The following KIAA0040 variants were observed in gnomAD, a reference collection of about 807,000 sequenced individuals.
The protein encoded by KIAA0040 is uncharacterized protein KIAA0040.
KIAA0040 carries 10 observed loss-of-function variants against 7.2 expected under a neutral mutation model. The observed-to-expected ratio is 1.38, with a 90% CI of 0.85 to 2.34. The LOEUF (loss-of-function observed/expected upper bound fraction) is 2.34, where lower values mean the gene tolerates loss of function less well. Among genes scored for constraint, KIAA0040 ranks in the 30% most tolerant of loss-of-function variants. KIAA0040 has a pLI of 0.00. For missense variants in KIAA0040, 89 were observed against 108.2 expected (o/e 0.82, Z 0.79); for synonymous variants, 49 against 40.1 (o/e 1.22, Z -0.84).
intron 2 of KIAA0040, among the ~76,000 whole-genome samples, chr1:175,176,847 C>T (rs1266664401): frequency 6.6e-6 from 1 of 152,028 alleles, no homozygotes; most frequent in African/African-American, 2.4e-5. Flanking sequence ...ACATTTTCCT[C>T]CCCATCCTTG....
intron 2 of KIAA0040, among the ~76,000 whole-genome samples, chr1:175,167,793 G>C (rs1385564157): frequency 6.6e-6 from 1 of 152,098 alleles, no homozygotes. Flanking sequence ...TCAGGCAGAG[G>C]GACATGAGAG....
intron 2 of KIAA0040, among the ~76,000 whole-genome samples, chr1:175,174,343 A>G (rs1232915072): frequency 6.6e-6 from 1 of 152,182 alleles, no homozygotes; most frequent in Non-Finnish European, 1.5e-5. Flanking sequence ...GCATATCAAA[A>G]TGCCCCTGGG....
chr1:175,187,452 C>A (rs1026985894), intron 1 of KIAA0040, among the ~76,000 whole-genome samples: 1 of 152,146 alleles, frequency 6.6e-6, no homozygotes, highest in Admixed American at 6.5e-5. Flanking sequence ...TGCAGAGGGG[C>A]TTTTGAAAGC....
At chr1:175,175,434 T>TA (rs1432109227) in intron 2 of KIAA0040, among the ~76,000 whole-genome samples, 1 of 151,466 alleles carries the variant, frequency 6.6e-6, no homozygotes, top group Non-Finnish European at 1.5e-5. Context: ...GGTGGGACTG[T>TA]AAACTAGTTC....
chr1:175,167,861 C>T (rs1274319382), intron 2 of KIAA0040, among the ~76,000 whole-genome samples: 1 of 151,904 alleles, frequency 6.6e-6, no homozygotes, highest in East Asian at 1.9e-4. Flanking sequence ...CCTATGAGGG[C>T]TCTCAGTCTG....
intron 1 of KIAA0040, among the ~76,000 whole-genome samples, chr1:175,181,921 C>T (rs1372560887): frequency 6.6e-6 from 1 of 152,218 alleles, no homozygotes; most frequent in East Asian, 1.9e-4. Flanking sequence ...GGCCTCCAAC[C>T]TCCCGATGTT....
At chr1:175,176,645 T>G (rs1309493176) in intron 2 of KIAA0040, among the ~76,000 whole-genome samples, 1 of 137,622 alleles carries the variant, frequency 7.3e-6, no homozygotes, top group African/African-American at 2.6e-5. Context: ...TGAGTACACA[T>G]CCAGTGTCAG....
At chr1:175,171,843 C>T (rs1677005710) in intron 2 of KIAA0040, among the ~76,000 whole-genome samples, 1 of 152,184 alleles carries the variant, frequency 6.6e-6, no homozygotes, top group Non-Finnish European at 1.5e-5. Flanking sequence ...TAAAAAGCTC[C>T]ATTTCACTGT....
chr1:175,188,952 G>T (rs1411872286), intron 1 of KIAA0040, among the ~76,000 whole-genome samples: 2 of 152,166 alleles, frequency 1.3e-5, no homozygotes, highest in Non-Finnish European at 2.9e-5. Flanking sequence ...ATAGTATTGG[G>T]TATTCCTGGG....
At chr1:175,191,576 C>T (rs1484080339) in intron 1 of KIAA0040, among the ~76,000 whole-genome samples, 2 of 152,204 alleles carry the variant, frequency 1.3e-5, no homozygotes, top group Admixed American at 6.5e-5. Flanking sequence ...GCTGGTAAGA[C>T]GCTTGCAGAA....
At chr1:175,175,582 T>C (rs1197502038) in intron 2 of KIAA0040, among the ~76,000 whole-genome samples, 3 of 152,054 alleles carry the variant, frequency 2.0e-5, no homozygotes, top group African/African-American at 4.8e-5. Context: ...CACATGTATG[T>C]TCATTGTGGC....
intron 3 of KIAA0040, among the ~76,000 whole-genome samples, chr1:175,166,094 T>C (rs1676749205): frequency 6.6e-6 from 1 of 152,180 alleles, no homozygotes; most frequent in Non-Finnish European, 1.5e-5. Context: ...GGTTCAGTTC[T>C]CTATGAGAAC....
chr1:175,160,426 T>G lies in KIAA0040; in HGVS notation c.*288A>C, dbSNP rs370011616. ...TTGAGATGTATGGATAAATGTTCTT[T>G]GTGCTTTGCATGTGGGGTATGCCAG... On this transcript the variant is annotated 3_prime_UTR_variant, in exon 4 of 4. Coordinates refer to ENST00000423313, the MANE Select transcript of KIAA0040 (RefSeq NM_014656.3). 1 of 397,914 alleles carries G rather than the reference T, an allele frequency of 2.5e-6. No homozygotes were observed. Among genetic ancestry groups the G allele is most frequent in the Non-Finnish European group, 4.6e-6 (1 of 219,280 alleles). The allele number at this position is 397,914 out of a possible 1,614,324, so 24.6% of individuals were successfully genotyped here.
intron 2 of KIAA0040, among the ~76,000 whole-genome samples, chr1:175,171,311 C>T (rs1175649897): frequency 6.6e-6 from 1 of 152,210 alleles, no homozygotes; most frequent in Admixed American, 6.5e-5. Flanking sequence ...TCCACCTTTA[C>T]TGCCTGTCTT....
chr1:175,185,627 A>G (rs1677630200), intron 1 of KIAA0040, among the ~76,000 whole-genome samples: 1 of 152,216 alleles, frequency 6.6e-6, no homozygotes, highest in Admixed American at 6.5e-5. Flanking sequence ...GGGGAAAGGA[A>G]AGCAGTTTGG....
In KIAA0040 at chr1:175,166,602, C is replaced by G. The variant is rs1676773738; in HGVS notation, c.-174G>C. On this transcript the variant is annotated 5_prime_UTR_variant, in exon 3 of 4. Coordinates refer to ENST00000423313, the MANE Select transcript of KIAA0040 (RefSeq NM_014656.3). Reference sequence around the variant, plus strand: ...CAAAATGGCCAGCCAGCTTGGGGAGCCTCCTTCCACGTTACTTCTTGCTTT... The same window carrying G: ...CAAAATGGCCAGCCAGCTTGGGGAGGCTCCTTCCACGTTACTTCTTGCTTT... 6.6e-6 allele frequency: 1 copy of G among 152,190 alleles called. No homozygotes were observed. The highest frequency in any genetic ancestry group is 1.5e-5 in the Non-Finnish European group (1 of 68,072). The allele number at this position is 152,190 out of a possible 1,614,324, so 9.4% of individuals were successfully genotyped here.
At chr1:175,164,197 C>G (rs1480676151) in intron 3 of KIAA0040, among the ~76,000 whole-genome samples, 1 of 152,148 alleles carries the variant, frequency 6.6e-6, no homozygotes, top group Non-Finnish European at 1.5e-5. Context: ...GAAAAGATAA[C>G]AAGATCTGAA....
intron 3 of KIAA0040, among the ~76,000 whole-genome samples, chr1:175,163,060 T>A (rs1005845136): frequency 6.6e-6 from 1 of 152,176 alleles, no homozygotes; most frequent in Non-Finnish European, 1.5e-5. Context: ...GGCCACACGG[T>A]GAGTGAGTGC....
chr1:175,167,709 G>A (rs368978897), intron 2 of KIAA0040, among the ~76,000 whole-genome samples: 1 of 152,146 alleles, frequency 6.6e-6, no homozygotes, highest in African/African-American at 2.4e-5. Context: ...CTGGGCCAAG[G>A]GTGATGGTGG....
Sources: allele counts gnomAD v4.1 joint callset (sites outside exome capture counted in the v4.1 genomes callset), GRCh38; gene constraint gnomAD v4.1.1; transcripts MANE v1.5; gene names NCBI Gene and HGNC (gene_info 2026-07-23, HGNC 2026-07-21).